The following LIMK2 variants were observed in gnomAD, a reference collection of about 807,000 sequenced individuals.
LIMK2 encodes LIM domain kinase 2.
LIMK2 carries 35 observed loss-of-function variants against 75.7 expected under a neutral mutation model. The ratio of observed to expected loss-of-function variants is 0.46; its 90% CI spans 0.35 to 0.61. The LOEUF (loss-of-function observed/expected upper bound fraction) is 0.61, where lower values mean the gene tolerates loss of function less well. Among genes scored for constraint, LIMK2 ranks in the 20% least tolerant of loss-of-function variants. The probability of loss-of-function intolerance (pLI) is 0.00; values close to 1 mark genes in which losing one functional copy is unlikely to be tolerated. For missense variants in LIMK2, 623 were observed against 831.0 expected, an observed-to-expected ratio of 0.75 and a Z score of 3.08; for synonymous variants, 301 against 319.2, an observed-to-expected ratio of 0.94 and a Z score of 0.61.
At chr22:31,214,668 AAGTT>A (rs910045289) in intron 1 of LIMK2, among the ~76,000 whole-genome samples, 1 of 152,038 alleles carries the variant, frequency 6.6e-6, no homozygotes, top group African/African-American at 2.4e-5. Flanking sequence ...AGATAAGTAA[AAGTT>A]AGCCTGGCAA....
chr22:31,271,109 T>C, intron 11 of LIMK2, 27 bp from the exon 12 acceptor site: 1 of 1,606,512 alleles, frequency 6.2e-7, no homozygotes. Context: ...GCTGGCCCTG[T>C]AGCCTCAGCT....
rs1205662034 is a variant in LIMK2, at chr22:31,225,766, A to G, written c.63A>G (p.Pro21=). Reference sequence around the variant, plus strand: ...CAGGCTGTGGGGACCACATTGCTCCAAGCCAGATATGGTACAGGACTGTCA... The same window carrying G: ...CAGGCTGTGGGGACCACATTGCTCCGAGCCAGATATGGTACAGGACTGTCA... ...RCPGCGDHIA[P]SQIWYRTVNE... is the part of the protein sequence containing the mutation. The change falls in exon 2 of 16, where the codon CCA becomes CCG. Residue 21 remains proline (P), a synonymous_variant. Transcript: ENST00000331728. 1 of 1,614,148 alleles carries G rather than the reference A, an allele frequency of 6.2e-7. No homozygotes were observed. Among genetic ancestry groups the G allele is most frequent in the Admixed American group, 1.7e-5 (1 of 60,020 alleles).
chr22:31,262,183 G>T lies in LIMK2; in HGVS notation c.601G>T (p.Gly201Trp). ...CAACAATCGAAACGCCATCCACCCTGGGGACCGCATCCTGGAGATCAATGG... is the reference window on the plus strand; with the variant it reads ...CAACAATCGAAACGCCATCCACCCTTGGGACCGCATCCTGGAGATCAATGG... ...SPNNRNAIHPGDRILEINGTP... is the reference protein window; with the variant it reads ...SPNNRNAIHPWDRILEINGTP... Residue 201 changes from glycine to tryptophan, a missense_variant, in exon 6 of 16, where the codon GGG becomes TGG. Gly to Trp is a radical substitution (Grantham distance 184, BLOSUM62 -2). Transcript: ENST00000331728. The surrounding 1 kb of genome is among the most constrained non-coding windows in gnomAD (Gnocchi z 5.0). 6.2e-7 allele frequency: 1 copy of T among 1,614,190 alleles called. No homozygotes were observed. The highest frequency in any genetic ancestry group is 8.5e-7 in the Non-Finnish European group (1 of 1,179,988).
intron 2 of LIMK2, chr22:31,248,859 T>C: frequency 1.5e-6 from 2 of 1,371,342 alleles, no homozygotes; most frequent in South Asian, 1.2e-5. Flanking sequence ...TCTCACTTAG[T>C]CCTTTACCAT....
intron 2 of LIMK2, among the ~76,000 whole-genome samples, chr22:31,249,435 A>G (rs17220369): frequency 0.086 from 13,057 of 151,044 alleles, 859 homozygotes; most frequent in East Asian, 0.4. Context: ...AGGCCTAAGT[A>G]CCTCCACGAG....
chr22:31,278,141 G>A (rs1407589719), intron 15 of LIMK2, among the ~76,000 whole-genome samples, 156 bp from the exon 16 acceptor site: 1 of 152,072 alleles, frequency 6.6e-6, no homozygotes, highest in South Asian at 2.1e-4. Flanking sequence ...ATGAGGTACC[G>A]GTAACATTAT....
chr22:31,226,812 G>A (rs2048484329), intron 2 of LIMK2, among the ~76,000 whole-genome samples: 1 of 152,156 alleles, frequency 6.6e-6, no homozygotes, highest in Non-Finnish European at 1.5e-5. Flanking sequence ...GTTTCACCTT[G>A]TTGGCCAGGC....
chr22:31,222,435 G>A (rs987155811), intron 1 of LIMK2, among the ~76,000 whole-genome samples: 8 of 126,680 alleles, frequency 6.3e-5, no homozygotes, highest in African/African-American at 2.1e-4. Context: ...AGGCGTGAGT[G>A]CAGTGGCGAG....
intron 2 of LIMK2, 117 bp downstream of exon 2, chr22:31,225,936 G>A: frequency 1.3e-6 from 1 of 789,664 alleles, no homozygotes; most frequent in Middle Eastern, 2.3e-4. Flanking sequence ...CTTAGGGTGG[G>A]GAAAGGAATG....
chr22:31,268,045 A>G (rs886093429), intron 10 of LIMK2, 99 bp from the exon 11 acceptor site: 5 of 1,528,244 alleles, frequency 3.3e-6, no homozygotes, highest in Admixed American at 1.7e-5. Flanking sequence ...CTGAGCATAC[A>G]CAGGGAGGCT....
At position 31,268,137 on chromosome 22, in the gene LIMK2, T is replaced by C; in HGVS notation, c.1261-7T>C. 2.5e-6 allele frequency: 4 copies of C among 1,613,854 alleles called. No individual in the cohort carries two copies. Among genetic ancestry groups the C allele is most frequent in the Non-Finnish European group, 3.4e-6 (4 of 1,179,862 alleles). On this transcript the variant is annotated splice_polypyrimidine_tract_variant and splice_region_variant and intron_variant, in intron 10 of 15. Transcript: ENST00000331728. ...ACAGCCTCTGAAAATCATTCCCCAT[T>C]CTGCAGGATCCGTTCCCCTGGCAGC...
At chr22:31,213,208 G>A (rs1032526774) in intron 1 of LIMK2, among the ~76,000 whole-genome samples, 13 of 152,112 alleles carry the variant, frequency 8.5e-5, no homozygotes, top group African/African-American at 2.9e-4. Flanking sequence ...GTTGTCTAAG[G>A]GTGAAGGGTA....
intron 14 of LIMK2, among the ~76,000 whole-genome samples, chr22:31,274,465 A>G (rs1428496658): frequency 2.0e-5 from 3 of 152,188 alleles, no homozygotes; most frequent in African/African-American, 7.2e-5. Context: ...CAGAGGTGCA[A>G]TCTTGGCTCA....
chr22:31,250,947 G>A (rs1601423309), intron 2 of LIMK2, among the ~76,000 whole-genome samples: 2 of 152,316 alleles, frequency 1.3e-5, no homozygotes, highest in East Asian at 3.9e-4. Flanking sequence ...GGAAAGTGAC[G>A]CAACCAGATT....
chr22:31,276,837 G>A (rs1329212184), intron 15 of LIMK2: 5 of 1,611,838 alleles, frequency 3.1e-6, no homozygotes, highest in African/African-American at 1.3e-5. Context: ...CGGATGATGA[G>A]GGCCCAGTGA....
chr22:31,217,904 C>T (rs1162623507), intron 1 of LIMK2, among the ~76,000 whole-genome samples: 9 of 152,242 alleles, frequency 5.9e-5, no homozygotes, highest in Admixed American at 5.9e-4. Context: ...ATGTCCTTCA[C>T]ACCCCATGAG....
At chr22:31,248,289 G>A (rs1361199483) in intron 2 of LIMK2, 28 of 1,149,226 alleles carry the variant, frequency 2.4e-5, no homozygotes, top group Admixed American at 3.6e-5. Flanking sequence ...CACACACCTC[G>A]GTTCTGCGGG....
rs138454239 is a variant in LIMK2, at chr22:31,268,189, G to A, written c.1306G>A (p.Ala436Thr). The A allele has an allele frequency of 3.1e-5, 50 of 1,613,654 alleles. No individual in the cohort carries two copies. The highest frequency in any genetic ancestry group is 4.5e-5 in the East Asian group (2 of 44,900). The change falls in exon 11 of 16, where the codon GCC becomes ACC. Residue 436 changes from alanine (A) to threonine (T), a missense_variant. Physicochemically the swap from Ala to Thr is moderately conservative, Grantham distance 58. Transcript: ENST00000331728. ...QQKVRFAKGI[A>T]SGMAYLHSMC... ...GAAGGTCAGGTTTGCCAAAGGAATC[G>A]CCTCCGGAATGGTGAGTCCCACCAA...
intron 1 of LIMK2, among the ~76,000 whole-genome samples, chr22:31,218,533 C>CT (rs917326782): frequency 7.6e-4 from 116 of 151,836 alleles, no homozygotes; most frequent in South Asian, 2.5e-3. Flanking sequence ...ATCATCTAAT[C>CT]TTTTTTTTTC....
Sources: allele counts gnomAD v4.1 joint callset (sites outside exome capture counted in the v4.1 genomes callset), GRCh38; gene constraint gnomAD v4.1.1; non-coding constraint Gnocchi (gnomAD v3.1); transcripts MANE v1.5; gene names NCBI Gene and HGNC (gene_info 2026-07-23, HGNC 2026-07-21).